The following TNRC6B variants were observed in gnomAD, a reference collection of about 807,000 sequenced individuals.
TNRC6B encodes the protein trinucleotide repeat containing adaptor 6B, also known as trinucleotide repeat-containing gene 6B protein.
Under a neutral mutation model 203.6 loss-of-function variants are expected in TNRC6B, and 52 were observed. The observed-to-expected ratio is 0.26, with a 90% CI of 0.20 to 0.32. The LOEUF is 0.32. Ranked by LOEUF, TNRC6B falls within the 10% of genes least tolerant of loss-of-function variation. The probability of loss-of-function intolerance (pLI) is 1.00; values close to 1 mark genes in which losing one functional copy is unlikely to be tolerated. For synonymous variants in TNRC6B, 838 were observed against 845.7 expected, an observed-to-expected ratio of 0.99 and a Z score of 0.16; for missense variants, 1,923 against 2,286.2, an observed-to-expected ratio of 0.84 and a Z score of 3.24.
In TNRC6B at chr22:40,207,406, C is replaced by CAAA. The variant is rs1253967138; in HGVS notation, c.5+29277_5+29279dup. ...TGGGCGATGGAGTGAGACCCTGCCTCAAAAAAAAAAAAATATATATATATA... is the reference window on the plus strand; with the variant it reads ...TGGGCGATGGAGTGAGACCCTGCCTCAAAAAAAAAAAAAAAATATATATATATA... On this transcript the variant is annotated intron_variant, in intron 1 of 22. Transcript: ENST00000454349. Among the ~76,000 whole-genome samples the CAAA allele has an allele frequency of 8.4e-3, 820 of 97,870 alleles. 18 individuals are homozygous for CAAA. The highest frequency in any genetic ancestry group is 0.065 in the East Asian group (182 of 2,804). 64.2% of individuals were successfully genotyped at this position (97,870 alleles called of 152,430 possible).
rs573099786 is a variant in TNRC6B, at chr22:40,321,349, C to T, written c.5114+120C>T. 6 of 1,179,780 alleles carry T rather than the reference C, an allele frequency of 5.1e-6. No homozygotes were observed. The Admixed American group carries it at 6.5e-5, about 13-fold the overall frequency. The allele number at this position is 1,179,780 out of a possible 1,614,324, so 73.1% of individuals were successfully genotyped here. On this transcript the variant is annotated intron_variant, in intron 22 of 22. Coordinates refer to ENST00000454349, the MANE Select transcript of TNRC6B (RefSeq NM_001162501.2). ...ATATACGAAGAATGGCACCGTCACA[C>T]GTGCATCTGCAAGTCTCGAGTGTGG...
rs548948742 is a variant in TNRC6B, at chr22:40,328,606, A to G, written c.*5365A>G. On this transcript the variant is annotated 3_prime_UTR_variant, in exon 23 of 23. Coordinates refer to ENST00000454349, the MANE Select transcript of TNRC6B (RefSeq NM_001162501.2). ...TCCATTTTGACCTCAGATGCTGTGT[A>G]CTTTTTAATTTCATTTTTTATATTC... The G allele has an allele frequency of 1.3e-5, 2 of 152,242 alleles. No homozygotes were observed. The highest frequency in any genetic ancestry group is 4.1e-4 in the South Asian group (2 of 4,832). 9.4% of individuals were successfully genotyped at this position (152,242 alleles called of 1,614,324 possible). A position where few individuals can be genotyped will look rare whatever the true frequency, so the allele number is the denominator to read the frequency against.
chr22:40,111,838 C>G (rs1374364609), intron 1 of TNRC6B, among the ~76,000 whole-genome samples: 2 of 152,218 alleles, frequency 1.3e-5, no homozygotes, highest in African/African-American at 4.8e-5. Context: ...CGCAGTGGCT[C>G]ACACCTGTAA....
intron 4 of TNRC6B, among the ~76,000 whole-genome samples, chr22:40,263,674 T>C (rs762623116): frequency 2.0e-5 from 3 of 152,218 alleles, no homozygotes; most frequent in African/African-American, 4.8e-5. Context: ...AAAAACATGT[T>C]TTTCCCACCA....
intron 1 of TNRC6B, among the ~76,000 whole-genome samples, chr22:40,189,930 T>C (rs12159860): frequency 6.6e-6 from 1 of 152,184 alleles, no homozygotes. Flanking sequence ...AAAAGTAGAA[T>C]GAACAGTCTC....
rs370196834 is a variant in TNRC6B at position 40,287,117 on chromosome 22, C to T, written c.3708+1347C>T. On this transcript the variant is annotated intron_variant, in intron 12 of 22. Transcript: ENST00000454349. ...CTCAAACTCTTGGGCTCAAGCAGTCCTCCCTCCTCAGCCTCCAAGTAGCTG... is the reference window on the plus strand; with the variant it reads ...CTCAAACTCTTGGGCTCAAGCAGTCTTCCCTCCTCAGCCTCCAAGTAGCTG... Among the ~76,000 whole-genome samples the T allele has an allele frequency of 1.4e-3, 217 of 152,200 alleles. 2 individuals carry two copies. The highest frequency in any genetic ancestry group is 5.8e-3 in the South Asian group (28 of 4,820).
chr22:40,146,204 G>A (rs5995824), intron 3 of TNRC6B, among the ~76,000 whole-genome samples: 211 of 152,280 alleles, frequency 1.4e-3, no homozygotes, highest in African/African-American at 4.8e-3. Flanking sequence ...GTTTGCATTC[G>A]TGGTTGGGGA....
intron 1 of TNRC6B, among the ~76,000 whole-genome samples, chr22:40,053,459 A>C (rs891563497): frequency 6.7e-6 from 1 of 148,824 alleles, no homozygotes; most frequent in African/African-American, 2.6e-5. Context: ...AATGACTGAA[A>C]ATTCAAAAAC....
chr22:40,174,551 AAC>A (rs2069036987), upstream of TNRC6B, among the ~76,000 whole-genome samples: 3 of 152,330 alleles, frequency 2.0e-5, no homozygotes, highest in South Asian at 6.2e-4. Context: ...TTTGAAAGAT[AAC>A]AGTCATTTGA....
At chr22:40,052,231 A>T (rs999268456) in intron 1 of TNRC6B, among the ~76,000 whole-genome samples, 4 of 152,090 alleles carry the variant, frequency 2.6e-5, no homozygotes, top group Non-Finnish European at 5.9e-5. Flanking sequence ...ACTTTTAACA[A>T]TTTTTTTGGT....
At chr22:40,109,201 G>T (rs1171188945) in intron 1 of TNRC6B, among the ~76,000 whole-genome samples, 3 of 152,156 alleles carry the variant, frequency 2.0e-5, no homozygotes, top group African/African-American at 7.2e-5. Context: ...CCTTTGGGTT[G>T]ATTCCATGTC....
intron 1 of TNRC6B, among the ~76,000 whole-genome samples, chr22:40,211,270 A>C (rs1400760517): frequency 6.6e-6 from 1 of 151,998 alleles, no homozygotes; most frequent in Middle Eastern, 3.2e-3. Flanking sequence ...TGTAGAAAGG[A>C]GGTCTTGCCA....
rs2070490442 is a variant in TNRC6B at position 40,266,953 on chromosome 22, A to G, written c.2723A>G (p.Asn908Ser). The G allele has an allele frequency of 6.2e-7, 1 of 1,613,574 alleles. No homozygotes were observed. The highest frequency in any genetic ancestry group is 8.5e-7 in the Non-Finnish European group (1 of 1,179,776). The change falls in exon 5 of 23, where the codon AAT becomes AGT. Residue 908 changes from asparagine (N) to serine (S), a missense_variant. By Grantham distance (46) the Asn-to-Ser change is conservative. Around this residue, in one of 8 missense-constraint regions of TNRC6B, gnomAD observed 599 missense variants for 656.5 expected, o/e 0.91. Transcript: ENST00000454349. ...AACAGTTATAACTACAAGAATGTGAATCTGTGGGATAAGAATTCCCAAGGG... is the reference window on the plus strand; with the variant it reads ...AACAGTTATAACTACAAGAATGTGAGTCTGTGGGATAAGAATTCCCAAGGG... The part of the protein sequence containing the change: ...DPNSYNYKNV[N>S]LWDKNSQGGP...
chr22:40,241,127 C>T (rs2070023032), intron 1 of TNRC6B, among the ~76,000 whole-genome samples: 2 of 152,140 alleles, frequency 1.3e-5, no homozygotes, highest in African/African-American at 4.8e-5. Context: ...TTTATATTTT[C>T]TTTTGTTTTT....
chr22:40,096,488 A>G (rs1032890468), intron 1 of TNRC6B, among the ~76,000 whole-genome samples: 1 of 152,184 alleles, frequency 6.6e-6, no homozygotes, highest in Admixed American at 6.5e-5. Context: ...CTTGACAGCA[A>G]CATGAGTCTG....
Position 40,323,494 on chromosome 22 carries a change from C to A in TNRC6B, c.*253C>A. ...ACTCTTGAAATACTTGAATCATGAA[C>A]GCCAACCTAGAAAGACAATGTGAAG... On this transcript the variant is annotated 3_prime_UTR_variant, in exon 23 of 23. Coordinates refer to ENST00000454349, the MANE Select transcript of TNRC6B (RefSeq NM_001162501.2). 2.7e-6 allele frequency: 1 copy of A among 364,406 alleles called. No individual in the cohort carries two copies. The highest frequency in any genetic ancestry group is 4.9e-6 in the Non-Finnish European group (1 of 202,400). The allele number at this position is 364,406 out of a possible 1,614,324, so 22.6% of individuals were successfully genotyped here.
rs1003025194 is a variant in TNRC6B, at chr22:40,331,503, C to T, written c.*8262C>T. 5.4e-6 allele frequency: 2 copies of T among 368,520 alleles called. No individual in the cohort carries two copies. Among genetic ancestry groups the T allele is most frequent in the Non-Finnish European group, 9.7e-6 (2 of 205,770 alleles). 22.8% of individuals were successfully genotyped at this position (368,520 alleles called of 1,614,324 possible). On this transcript the variant is annotated 3_prime_UTR_variant, in exon 23 of 23. Coordinates refer to ENST00000454349, the MANE Select transcript of TNRC6B (RefSeq NM_001162501.2). ...AAAGAGGAGAACAGTCCCTCCCACT[C>T]GATTCCTTCAGCTTCATTCAGGAAG...
At position 40,328,638 on chromosome 22, in the gene TNRC6B, C is replaced by A. The variant is rs1000246379; in HGVS notation, c.*5397C>A. ...AATTTCATTTTTTATATTCTGCCAT[C>A]TTGACTCTTCTCTAAAACAGAATGA... On this transcript the variant is annotated 3_prime_UTR_variant, in exon 23 of 23. Coordinates refer to ENST00000454349, the MANE Select transcript of TNRC6B (RefSeq NM_001162501.2). 3.3e-5 allele frequency: 5 copies of A among 152,040 alleles called. No homozygotes were observed. The highest frequency in any genetic ancestry group is 1.2e-4 in the African/African-American group (5 of 41,408). 9.4% of individuals were successfully genotyped at this position (152,040 alleles called of 1,614,324 possible). A position where few individuals can be genotyped will look rare whatever the true frequency, so the allele number is the denominator to read the frequency against.
chr22:40,322,569 T>C (rs2071348153), intron 22 of TNRC6B, among the ~76,000 whole-genome samples: 1 of 152,242 alleles, frequency 6.6e-6, no homozygotes, highest in South Asian at 2.1e-4. Flanking sequence ...CCAAGAAATA[T>C]CAGAATATAG....
Sources: allele counts gnomAD v4.1 joint callset (sites outside exome capture counted in the v4.1 genomes callset), GRCh38; gene constraint gnomAD v4.1.1; regional missense constraint gnomAD v4.1.1; transcripts MANE v1.5; gene names NCBI Gene and HGNC (gene_info 2026-07-23, HGNC 2026-07-21).